COMTD1: variants seen among roughly 807,000 people sequenced by gnomAD.
COMTD1 encodes catechol-O-methyltransferase domain containing 1.
In COMTD1, 35 loss-of-function variants were observed where a neutral mutation model predicts 33.6. The observed-to-expected ratio is 1.04, with a 90% CI of 0.80 to 1.38. COMTD1 has a LOEUF of 1.38. Among genes scored for constraint, COMTD1 ranks in the 40% most tolerant of loss-of-function variants. COMTD1 has a pLI of 0.00. For missense variants in COMTD1, 370 were observed against 363.4 expected, an observed-to-expected ratio of 1.02 and a Z score of -0.15; for synonymous variants, 160 against 176.8, an observed-to-expected ratio of 0.91 and a Z score of 0.75.
In COMTD1 at chr10:75,234,955, G is replaced by A; in HGVS notation, c.485C>T (p.Pro162Leu). ...GTGCTCACCCAGGGTCTCCAAGGCGGGCTTCAGCCGGAGGTCGATCTTGTG... is the reference window on the plus strand; with the variant it reads ...GTGCTCACCCAGGGTCTCCAAGGCGAGCTTCAGCCGGAGGTCGATCTTGTG... Reference protein sequence around the residue: ...AEHKIDLRLKPALETLDELLA... With the variant: ...AEHKIDLRLKLALETLDELLA... Residue 162 changes from proline (P) to leucine (L), a missense_variant, in exon 5 of 7, where the codon CCC becomes CTC. Transcript: ENST00000372538. The A allele has an allele frequency of 6.5e-7, 1 of 1,526,976 alleles. No individual in the cohort carries two copies. The allele number at this position is 1,526,976 out of a possible 1,614,324, so 94.6% of individuals were successfully genotyped here.
chr10:75,235,425 TG>T, intron 2 of COMTD1, 53 bp from the exon 3 acceptor site: 3 of 1,404,636 alleles, frequency 2.1e-6, no homozygotes, highest in East Asian at 2.6e-5. Flanking sequence ...ACCTTCGCCC[TG>T]GGGGTCCCAA....
In COMTD1 at chr10:75,234,964, C is replaced by T. The variant is rs1387523752; in HGVS notation, c.476G>A (p.Arg159Gln). 1.3e-6 allele frequency: 2 copies of T among 1,526,314 alleles called. No individual in the cohort carries two copies. The highest frequency in any genetic ancestry group is 2.5e-5 in the South Asian group (2 of 81,112). 94.5% of individuals were successfully genotyped at this position (1,526,314 alleles called of 1,614,324 possible). The change falls in exon 5 of 7, where the codon CGG (arginine) becomes CAG (glutamine). Residue 159 changes from arginine (R) to glutamine (Q), a missense_variant. Arg to Gln is a conservative substitution (Grantham distance 43). Transcript: ENST00000372538. ...QAEAEHKIDL[R>Q]LKPALETLDE... ...CAGGGTCTCCAAGGCGGGCTTCAGC[C>T]GGAGGTCGATCTTGTGCTCCGCCTC...
rs778803784 is a variant in COMTD1 at position 75,234,621 on chromosome 10, C to T, written c.625G>A (p.Ala209Thr). The T allele has an allele frequency of 8.3e-6, 13 of 1,562,642 alleles. No individual in the cohort carries two copies. The highest frequency in any genetic ancestry group is 1.7e-4 in the Middle Eastern group (1 of 5,940). Residue 209 changes from alanine to threonine, a missense_variant, in exon 6 of 7, where the codon GCC becomes ACC. Ala to Thr is a moderately conservative substitution (Grantham distance 58, BLOSUM62 0). Coordinates refer to ENST00000372538, the MANE Select transcript of COMTD1 (RefSeq NM_144589.4). ...LQLLRPGGIL[A>T]VLRVLWRGKV... The stretch of plus-strand genomic sequence containing the variant: ...AGTGGATCCCTTACTCTGAGGACGG[C>T]GAGGATGCCTCCGGGTCGCAGCAGC...
In COMTD1 at chr10:75,235,597, C is replaced by A; in HGVS notation, c.222+19G>T. On this transcript the variant is annotated intron_variant, in intron 2 of 6. Coordinates refer to ENST00000372538, the MANE Select transcript of COMTD1 (RefSeq NM_144589.4). ...AGGGGTCGAGAGGGACGCCCGTTTC[C>A]GTCCCGCGCCCTGCTGACCAGCCTC... 6.4e-7 allele frequency: 1 copy of A among 1,569,940 alleles called. No individual in the cohort carries two copies. The highest frequency in any genetic ancestry group is 2.3e-5 in the East Asian group (1 of 43,088).
chr10:75,235,797 GC>G, intron 1 of COMTD1, 37 bp downstream of exon 1: 1 of 1,538,660 alleles, frequency 6.5e-7, no homozygotes, highest in South Asian at 1.2e-5. Flanking sequence ...CCTACTCTGC[GC>G]CCGCCCACCC....
In COMTD1 at chr10:75,235,098, C is replaced by A; in HGVS notation, c.409G>T (p.Ala137Ser). 7.1e-7 allele frequency: 1 copy of A among 1,407,382 alleles called. No homozygotes were observed. Among genetic ancestry groups the A allele is most frequent in the Non-Finnish European group, 9.2e-7 (1 of 1,086,892 alleles). 87.2% of individuals were successfully genotyped at this position (1,407,382 alleles called of 1,614,324 possible). The change falls in exon 4 of 7, where the codon GCG (alanine) becomes TCG (serine). Residue 137 changes from alanine (A) to serine (S), a missense_variant. Coordinates refer to ENST00000372538, the MANE Select transcript of COMTD1 (RefSeq NM_144589.4). ...GGCCGTCCCAGCTCCGGGGGCTGCG[C>A]GTCCACCTCGCAGGTCACCACGCGC... ...DGRVVTCEVD[A>S]QPPELGRPLW...
Position 75,235,749 on chromosome 10 carries a change from G to T in COMTD1, c.95-6C>A, listed in dbSNP as rs1222281776. On this transcript the variant is annotated splice_polypyrimidine_tract_variant and splice_region_variant and intron_variant, in intron 1 of 6. Transcript: ENST00000372538. ...CCATGGGGGGCACCGCCTCCCTGAC[G>T]GGGAGAGGGTGTTGGATTAACCTGA... The T allele has an allele frequency of 1.9e-6, 3 of 1,597,248 alleles. No individual in the cohort carries two copies. Among genetic ancestry groups the T allele is most frequent in the Non-Finnish European group, 2.6e-6 (3 of 1,173,650 alleles).
At chr10:75,234,771 G>A (rs1349350512) in intron 5 of COMTD1, 28 bp from the exon 6 acceptor site, 4 of 1,556,582 alleles carry the variant, frequency 2.6e-6, no homozygotes, top group Non-Finnish European at 1.7e-6. Context: ...GGCAGGTGCG[G>A]CTGAGTCCGC....
At position 75,235,878 on chromosome 10, in the gene COMTD1, G is replaced by A. The variant is rs1287961944; in HGVS notation, c.51C>T (p.Gly17=). The A allele has an allele frequency of 1.9e-5, 28 of 1,509,574 alleles. No homozygotes were observed. The highest frequency in any genetic ancestry group is 2.3e-5 in the Non-Finnish European group (26 of 1,136,144). The allele number at this position is 1,509,574 out of a possible 1,614,324, so 93.5% of individuals were successfully genotyped here. Residue 17 remains glycine (G), a synonymous_variant, in exon 1 of 7, where the codon GGC becomes GGT. Transcript: ENST00000372538. The stretch of plus-strand genomic sequence containing the variant: ...CGAAGGCGGCGCCCAGTGCGGCTGA[G>A]CCCAGGGCCAGCGCGGCGGGCACGG... ...RLSVPAALAL[G]SAALGAAFAT... is the part of the protein sequence containing the mutation.
chr10:75,234,433 G>T, intron 6 of COMTD1, 177 bp downstream of exon 6: 2 of 1,141,476 alleles, frequency 1.8e-6, no homozygotes, highest in South Asian at 1.6e-5. Context: ...GAGGTGACCA[G>T]AGCTGGAGAC....
chr10:75,234,552 A>T, intron 6 of COMTD1, 58 bp downstream of exon 6: 1 of 1,510,060 alleles, frequency 6.6e-7, no homozygotes. Context: ...AGTCAAGGGA[A>T]AAGATGGGGA....
At chr10:75,235,764 G>A in intron 1 of COMTD1, 21 bp from the exon 2 acceptor site, 1 of 1,589,718 alleles carries the variant, frequency 6.3e-7, no homozygotes, top group Non-Finnish European at 8.5e-7. Flanking sequence ...GAGGGTGTTG[G>A]ATTAACCTGA....
chr10:75,234,933 C>T lies in COMTD1; in HGVS notation c.502+5G>A, dbSNP rs1842167736. On this transcript the variant is annotated splice_donor_5th_base_variant and intron_variant, in intron 5 of 6. Transcript: ENST00000372538. ...CTTCAAAGCCCTTCCCGCTTCGGTG[C>T]TCACCCAGGGTCTCCAAGGCGGGCT... The T allele has an allele frequency of 6.5e-7, 1 of 1,533,376 alleles. No homozygotes were observed. The highest frequency in any genetic ancestry group is 8.8e-7 in the Non-Finnish European group (1 of 1,141,726). The allele number at this position is 1,533,376 out of a possible 1,614,324, so 95.0% of individuals were successfully genotyped here.
Position 75,233,647 on chromosome 10 carries a change from G to C in COMTD1, c.*426C>G, listed in dbSNP as rs1353428000. ...ACACAAGTGACACCCGTGGTCCCCT[G>C]CAATCCTCTTTCATGTTGTCAGACA... On this transcript the variant is annotated 3_prime_UTR_variant, in exon 7 of 7. Transcript: ENST00000372538. 6.6e-6 allele frequency among the ~76,000 whole-genome samples: 1 copy of C among 152,228 alleles called. No homozygotes were observed. The highest frequency in any genetic ancestry group is 2.4e-5 in the African/African-American group (1 of 41,454).
At chr10:75,234,284 G>T in intron 6 of COMTD1, 59 bp from the exon 7 acceptor site, 1 of 1,542,442 alleles carries the variant, frequency 6.5e-7, no homozygotes, top group Non-Finnish European at 8.7e-7. Flanking sequence ...GGAGGTGCTC[G>T]GGCGGAAGGC....
At position 75,234,243 on chromosome 10, in the gene COMTD1, C is replaced by A. The variant is rs1842152622; in HGVS notation, c.637-18G>T. On this transcript the variant is annotated intron_variant, in intron 6 of 6. Coordinates refer to ENST00000372538, the MANE Select transcript of COMTD1 (RefSeq NM_144589.4). Reference sequence around the variant, plus strand: ...CACAGGACCTGCGGGAGGGCGGGGCCAACCGGGCCGTGGGAGGCGGGGCTT... The same window carrying A: ...CACAGGACCTGCGGGAGGGCGGGGCAAACCGGGCCGTGGGAGGCGGGGCTT... The A allele has an allele frequency of 2.5e-6, 4 of 1,600,338 alleles. No individual in the cohort carries two copies. Among genetic ancestry groups the A allele is most frequent in the Non-Finnish European group, 3.4e-6 (4 of 1,175,062 alleles).
intron 1 of COMTD1, 26 bp downstream of exon 1, chr10:75,235,809 G>A (rs1439329818): frequency 1.0e-5 from 6 of 571,940 alleles, no homozygotes; most frequent in Non-Finnish European, 1.8e-5. Context: ...CCGCCCACCC[G>A]CCCGCCGGGA....
chr10:75,234,529 G>A (rs1449560755), intron 6 of COMTD1, 81 bp downstream of exon 6: 2 of 1,482,574 alleles, frequency 1.3e-6, no homozygotes, highest in Admixed American at 4.6e-5. Flanking sequence ...GTGGGGCTTT[G>A]GGGTATAAGA....
At chr10:75,235,464 C>T (rs1218264129) in intron 2 of COMTD1, 92 bp from the exon 3 acceptor site, 3 of 1,348,398 alleles carry the variant, frequency 2.2e-6, no homozygotes, top group African/African-American at 3.0e-5. Flanking sequence ...CTGGGCGTGG[C>T]CTGGGGGACT....
Sources: gnomAD v4.1 joint callset for allele counts (sites outside exome capture counted in the v4.1 genomes callset) on GRCh38, gnomAD v4.1.1 for gene constraint, MANE v1.5 for transcripts, NCBI Gene and HGNC (gene_info 2026-07-23, HGNC 2026-07-21) for gene names.